Variants in CLASP1 observed in about 807,000 individuals in gnomAD.
CLASP1 encodes the protein cytoplasmic linker associated protein 1.
A neutral mutation model predicts 192.3 loss-of-function variants in CLASP1; 38 were observed. That is an observed-to-expected ratio of 0.20 (90% CI 0.15 to 0.26). The LOEUF is 0.26. CLASP1 is among the 10% of genes least tolerant of loss of function. The pLI is 1.00. For synonymous variants in CLASP1, 691 were observed against 712.8 expected (o/e 0.97, Z 0.49); for missense variants, 1,433 against 1,932.5 (o/e 0.74, Z 4.85).
chr2:121,391,329 C>G (rs1000446578), intron 30 of CLASP1, among the ~76,000 whole-genome samples: 1 of 152,194 alleles, frequency 6.6e-6, no homozygotes, highest in Non-Finnish European at 1.5e-5. Context: ...TCCTCACCTA[C>G]TCGACTACGC....
chr2:121,348,749 C>T, intron 37 of CLASP1, 31 bp from the exon 39 acceptor site: 1 of 1,530,276 alleles, frequency 6.5e-7, no homozygotes, highest in African/African-American at 1.4e-5. Flanking sequence ...AAAGAGTGAG[C>T]TCCACATGCC....
At chr2:121,627,561 C>T (rs1446197891) in intron 1 of CLASP1, among the ~76,000 whole-genome samples, 1 of 152,190 alleles carries the variant, frequency 6.6e-6, no homozygotes, top group African/African-American at 2.4e-5. Context: ...AATATAAGGG[C>T]ACCACTAGGT....
intron 21 of CLASP1, among the ~76,000 whole-genome samples, chr2:121,426,329 T>C (rs905371172): frequency 2.6e-5 from 4 of 152,080 alleles, no homozygotes; most frequent in African/African-American, 9.7e-5. Context: ...TCCATGAAGA[T>C]CTAATAATCA....
chr2:121,543,033 C>T (rs922048345), intron 2 of CLASP1, among the ~76,000 whole-genome samples: 1 of 152,226 alleles, frequency 6.6e-6, no homozygotes, highest in African/African-American at 2.4e-5. Flanking sequence ...GGTTACTGAG[C>T]AAACGAAAGG....
At chr2:121,457,646 T>A in intron 14 of CLASP1, 41 bp downstream of exon 14, 1 of 1,518,218 alleles carries the variant, frequency 6.6e-7, no homozygotes, top group Non-Finnish European at 9.1e-7. Context: ...TTTTGGTTTT[T>A]AAACAATTCA....
At chr2:121,370,332 CT>C (rs375808825) in intron 34 of CLASP1, among the ~76,000 whole-genome samples, 2 of 151,478 alleles carry the variant, frequency 1.3e-5, no homozygotes, top group African/African-American at 4.9e-5. Context: ...GATTTTCTTT[CT>C]TTTTTTTTGA....
At chr2:121,436,515 T>C (rs2082344256) in intron 19 of CLASP1, among the ~76,000 whole-genome samples, 1 of 151,182 alleles carries the variant, frequency 6.6e-6, no homozygotes, top group Admixed American at 6.6e-5. Flanking sequence ...GGTTCAAGCA[T>C]TTCTCACACC....
At chr2:121,591,974 A>G (rs2062453892) in intron 2 of CLASP1, among the ~76,000 whole-genome samples, 1 of 152,024 alleles carries the variant, frequency 6.6e-6, no homozygotes, top group Admixed American at 6.5e-5. Flanking sequence ...TTTTCATCTG[A>G]TTTCTCTGGA....
At chr2:121,439,583 C>T (rs200442323) in intron 19 of CLASP1, among the ~76,000 whole-genome samples, 5,615 of 152,080 alleles carry the variant, frequency 0.037, 152 homozygotes, top group East Asian at 0.14. Context: ...TCGTTATGTA[C>T]CCAGTAGTCA....
At chr2:121,543,587 G>T (rs982083790) in intron 2 of CLASP1, among the ~76,000 whole-genome samples, 3 of 152,068 alleles carry the variant, frequency 2.0e-5, no homozygotes, top group Non-Finnish European at 2.9e-5. Flanking sequence ...AGGACTCACA[G>T]CTCTTCCTCC....
At chr2:121,561,643 G>A (rs2105309702) in intron 2 of CLASP1, among the ~76,000 whole-genome samples, 1 of 152,316 alleles carries the variant, frequency 6.6e-6, no homozygotes, top group East Asian at 1.9e-4. Flanking sequence ...AACAAAGTTT[G>A]TGAATTTGTG....
chr2:121,425,764 G>A (rs780853632), intron 21 of CLASP1, among the ~76,000 whole-genome samples: 10 of 152,112 alleles, frequency 6.6e-5, no homozygotes, highest in Non-Finnish European at 8.8e-5. Flanking sequence ...CAGAAACCTG[G>A]TAAATAAAAA....
chr2:121,500,365 AAAG>A (rs1410598064), intron 8 of CLASP1, among the ~76,000 whole-genome samples: 2 of 132,972 alleles, frequency 1.5e-5, no homozygotes, highest in African/African-American at 6.0e-5. Flanking sequence ...AGAAAGAAAG[AAAG>A]AAAGAAAGAA....
chr2:121,517,082 G>T (rs1262565533), intron 6 of CLASP1, among the ~76,000 whole-genome samples: 1 of 152,300 alleles, frequency 6.6e-6, no homozygotes, highest in South Asian at 2.1e-4. Context: ...CAAGAAAAAA[G>T]TATGTGTCTG....
intron 2 of CLASP1, among the ~76,000 whole-genome samples, chr2:121,550,714 A>G (rs1248520906): frequency 6.6e-6 from 1 of 152,194 alleles, no homozygotes; most frequent in East Asian, 1.9e-4. Context: ...CCCTGAGCAG[A>G]CAAATAATGA....
chr2:121,375,369 T>C lies in CLASP1; in HGVS notation c.3642+2130A>G, dbSNP rs539656872. Among the ~76,000 whole-genome samples the C allele has an allele frequency of 1.8e-3, 261 of 148,736 alleles. 3 individuals carry two copies. Among genetic ancestry groups the C allele is most frequent in the African/African-American group, 5.5e-3 (220 of 40,160 alleles). On this transcript the variant is annotated intron_variant, in intron 34 of 39. Transcript: ENST00000263710. ...AAATTACCTAGTTTCTGATTTTTTTTTTTTTTTTTTTTTGAGACAGAGTCT... is the reference window on the plus strand; with the variant it reads ...AAATTACCTAGTTTCTGATTTTTTTCTTTTTTTTTTTTTGAGACAGAGTCT...
chr2:121,583,329 G>A (rs553800097), intron 2 of CLASP1, among the ~76,000 whole-genome samples: 1 of 152,314 alleles, frequency 6.6e-6, no homozygotes, highest in African/African-American at 2.4e-5. Context: ...GAGGTTGCAT[G>A]AAGGACCATT....
intron 19 of CLASP1, among the ~76,000 whole-genome samples, chr2:121,433,049 C>T (rs900313592): frequency 5.3e-5 from 8 of 152,150 alleles, no homozygotes; most frequent in Non-Finnish European, 7.3e-5. Flanking sequence ...TGGCCCAGAG[C>T]GGTGGCTCAT....
At chr2:121,587,611 C>T (rs369693688) in intron 2 of CLASP1, among the ~76,000 whole-genome samples, 3 of 152,122 alleles carry the variant, frequency 2.0e-5, no homozygotes, top group Admixed American at 2.0e-4. Context: ...AGGTGAATCA[C>T]CTGAGGTCAG....
Sources: allele counts gnomAD v4.1 joint callset (sites outside exome capture counted in the v4.1 genomes callset), GRCh38; gene constraint gnomAD v4.1.1; transcripts MANE v1.5; gene names NCBI Gene and HGNC (gene_info 2026-07-23, HGNC 2026-07-21).